The following PLEKHA5 variants were observed in gnomAD, a reference collection of about 807,000 sequenced individuals.
The protein encoded by PLEKHA5 is pleckstrin homology domain-containing family A member 5.
PLEKHA5 carries 55 observed loss-of-function variants against 181.9 expected under a neutral mutation model. The ratio of observed to expected loss-of-function variants is 0.30; its 90% CI spans 0.24 to 0.38. The LOEUF (loss-of-function observed/expected upper bound fraction) is 0.38, where lower values mean the gene tolerates loss of function less well. Ranked by LOEUF, PLEKHA5 falls within the 10% of genes least tolerant of loss-of-function variation. The pLI is 1.00. For synonymous variants in PLEKHA5, 535 were observed against 529.4 expected, an observed-to-expected ratio of 1.01 and a Z score of -0.15; for missense variants, 1,432 against 1,549.5, an observed-to-expected ratio of 0.92 and a Z score of 1.27.
At chr12:19,155,873 G>A (rs1272043028) in intron 3 of PLEKHA5, among the ~76,000 whole-genome samples, 3 of 152,154 alleles carry the variant, frequency 2.0e-5, no homozygotes, top group Non-Finnish European at 4.4e-5. Flanking sequence ...CACTGACTCT[G>A]AAAATAACTC....
At chr12:19,155,186 C>T (rs1439482579) in intron 3 of PLEKHA5, among the ~76,000 whole-genome samples, 2 of 152,178 alleles carry the variant, frequency 1.3e-5, no homozygotes, top group Non-Finnish European at 2.9e-5. Context: ...GTCATTATCA[C>T]TAGGAAGACC....
At chr12:19,283,904 T>C (rs1367347505) in intron 12 of PLEKHA5, among the ~76,000 whole-genome samples, 159 bp downstream of exon 12, 1 of 152,186 alleles carries the variant, frequency 6.6e-6, no homozygotes, top group African/African-American at 2.4e-5. Context: ...TTTTACAACA[T>C]TAAGATCTCA....
intron 15 of PLEKHA5, among the ~76,000 whole-genome samples, chr12:19,309,997 G>A (rs1489139660): frequency 6.6e-6 from 1 of 151,990 alleles, no homozygotes; most frequent in African/African-American, 2.4e-5. Context: ...AACTTAAAAA[G>A]AAAAGAAAAT....
chr12:19,319,994 C>T, intron 16 of PLEKHA5, 27 bp from the exon 17 acceptor site: 8 of 1,343,760 alleles, frequency 6.0e-6, no homozygotes, highest in Admixed American at 2.4e-5. Flanking sequence ...TCAATTAAAC[C>T]CATCCTTTTC....
At chr12:19,212,975 A>G (rs533805278) in intron 3 of PLEKHA5, among the ~76,000 whole-genome samples, 2 of 152,224 alleles carry the variant, frequency 1.3e-5, no homozygotes, top group South Asian at 2.1e-4. Flanking sequence ...TACCTATACT[A>G]GATTTCCAAG....
rs755266693 is a variant in PLEKHA5 at position 19,343,432 on chromosome 12, T to C, written c.2660T>C (p.Ile887Thr). Residue 887 changes from isoleucine (I) to threonine (T), a missense_variant and splice_region_variant, in exon 22 of 32, where the codon ATA (isoleucine) becomes ACA (threonine). By Grantham distance (89) the Ile-to-Thr change is moderately conservative (BLOSUM62 -1). Around this residue, in one of 2 missense-constraint regions of PLEKHA5, gnomAD observed 1,143 missense variants for 1,168.4 expected, o/e 0.98. Coordinates refer to ENST00000429027, the MANE Select transcript of PLEKHA5 (RefSeq NM_001256470.2). The stretch of plus-strand genomic sequence containing the variant: ...AAGCAGCAAAGAGGTACTACAGAAA[T>C]AGGTAAATTAGCTTTGCATTTTATT... The part of the protein sequence containing the change: ...KHKQQRGTTE[I>T]GMIGSKPFST... 13 of 1,548,112 alleles carry C rather than the reference T, an allele frequency of 8.4e-6. No individual in the cohort carries two copies. Among genetic ancestry groups the C allele is most frequent in the East Asian group, 2.2e-5 (1 of 44,510 alleles).
chr12:19,311,530 A>G (rs2086554816), intron 15 of PLEKHA5, among the ~76,000 whole-genome samples: 1 of 152,058 alleles, frequency 6.6e-6, no homozygotes, highest in African/African-American at 2.4e-5. Context: ...TATATATTCT[A>G]AATGCTTTGT....
chr12:19,306,351 C>T (rs1214436413), intron 15 of PLEKHA5: 4 of 443,208 alleles, frequency 9.0e-6, no homozygotes, highest in Non-Finnish European at 1.8e-5. Context: ...TTTGTTTTCT[C>T]GTGCTCTCCA....
intron 6 of PLEKHA5, among the ~76,000 whole-genome samples, chr12:19,259,970 TTTTTC>T (rs976037033): frequency 6.6e-6 from 1 of 151,926 alleles, no homozygotes; most frequent in African/African-American, 2.4e-5. Context: ...TCTTTTTTCT[TTTTTC>T]TTTTTTTTTG....
chr12:19,363,348 T>C (rs1339273245), intron 29 of PLEKHA5, among the ~76,000 whole-genome samples: 1 of 151,778 alleles, frequency 6.6e-6, no homozygotes, highest in Non-Finnish European at 1.5e-5. Context: ...TTTTTTATTT[T>C]TAGTAGAGAC....
intron 3 of PLEKHA5, among the ~76,000 whole-genome samples, chr12:19,223,475 C>G (rs959444003): frequency 6.6e-6 from 1 of 152,094 alleles, no homozygotes; most frequent in African/African-American, 2.4e-5. Flanking sequence ...CTGGGACTTT[C>G]AATCCACAGC....
intron 3 of PLEKHA5, among the ~76,000 whole-genome samples, chr12:19,199,736 C>CT (rs914374619): frequency 3.9e-5 from 6 of 152,098 alleles, no homozygotes; most frequent in African/African-American, 1.4e-4. Flanking sequence ...ACGACTTGAG[C>CT]TTTTTTTCTG....
chr12:19,282,513 G>C (rs1409961604), intron 11 of PLEKHA5, among the ~76,000 whole-genome samples: 3 of 152,106 alleles, frequency 2.0e-5, no homozygotes, highest in African/African-American at 4.8e-5. Flanking sequence ...CTTCCTGAAA[G>C]AAAACATACA....
At chr12:19,136,374 A>G (rs567916209) in intron 3 of PLEKHA5, among the ~76,000 whole-genome samples, 1 of 152,306 alleles carries the variant, frequency 6.6e-6, no homozygotes, top group South Asian at 2.1e-4. Flanking sequence ...ATCTTTATGA[A>G]GAATGCTGAA....
At chr12:19,157,267 A>T (rs1439741564) in intron 3 of PLEKHA5, among the ~76,000 whole-genome samples, 2 of 152,190 alleles carry the variant, frequency 1.3e-5, no homozygotes, top group Non-Finnish European at 2.9e-5. Flanking sequence ...GAAAAGATGA[A>T]ATTAAACAAA....
intron 3 of PLEKHA5, chr12:19,200,770 A>G (rs1226833755): frequency 1.4e-6 from 1 of 709,982 alleles, no homozygotes; most frequent in Admixed American, 6.1e-5. Flanking sequence ...ATGATTCAAT[A>G]AATGATGTTA....
chr12:19,253,822 A>G, intron 3 of PLEKHA5, 118 bp from the exon 4 acceptor site: 1 of 744,816 alleles, frequency 1.3e-6, no homozygotes. Context: ...CTCCGTCTCA[A>G]AAACAAAAAA....
At chr12:19,305,931 T>A (rs894423533) in intron 15 of PLEKHA5, among the ~76,000 whole-genome samples, 16 of 130,716 alleles carry the variant, frequency 1.2e-4, no homozygotes, top group Admixed American at 3.9e-4. Flanking sequence ...ATACAAAAAA[T>A]TGGCTGGACT....
intron 15 of PLEKHA5, among the ~76,000 whole-genome samples, chr12:19,311,022 T>C (rs1330845763): frequency 2.0e-5 from 3 of 152,162 alleles, no homozygotes; most frequent in Non-Finnish European, 4.4e-5. Flanking sequence ...TGGCAGTTCC[T>C]TAAAATAAGA....
Sources: allele counts gnomAD v4.1 joint callset (sites outside exome capture counted in the v4.1 genomes callset), GRCh38; gene constraint gnomAD v4.1.1; regional missense constraint gnomAD v4.1.1; transcripts MANE v1.5; gene names NCBI Gene and HGNC (gene_info 2026-07-23, HGNC 2026-07-21).